The following PPFIA2 variants were observed in gnomAD, a reference collection of about 807,000 sequenced individuals.
The protein encoded by PPFIA2 is PPFI scaffold protein A2, also known as liprin-alpha-2.
Under a neutral mutation model 175.5 loss-of-function variants are expected in PPFIA2, and 46 were observed. The observed-to-expected ratio is 0.26, with a 90% CI of 0.21 to 0.34. The LOEUF (loss-of-function observed/expected upper bound fraction) is 0.34, where lower values mean the gene tolerates loss of function less well. Among genes scored for constraint, PPFIA2 ranks in the 10% least tolerant of loss-of-function variants. The pLI, the probability that PPFIA2 is intolerant of heterozygous loss-of-function variation, is 1.00. For missense variants in PPFIA2, 1,179 were observed against 1,506.1 expected, an observed-to-expected ratio of 0.78 and a Z score of 3.60; for synonymous variants, 568 against 511.4, an observed-to-expected ratio of 1.11 and a Z score of -1.49.
At chr12:81,659,947 G>A (rs2068511739) in intron 4 of PPFIA2, among the ~76,000 whole-genome samples, 1 of 152,138 alleles carries the variant, frequency 6.6e-6, no homozygotes, top group South Asian at 2.1e-4. Flanking sequence ...AGGGTTGGAG[G>A]GAACTCTGGC....
intron 4 of PPFIA2, among the ~76,000 whole-genome samples, chr12:81,552,881 T>A (rs2068170793): frequency 6.6e-6 from 1 of 152,082 alleles, no homozygotes; most frequent in Non-Finnish European, 1.5e-5. Flanking sequence ...ACTCAGTCCA[T>A]CGACAACGAA....
At chr12:81,439,744 CAT>C (rs2049814171) in intron 7 of PPFIA2, 1 of 482,474 alleles carries the variant, frequency 2.1e-6, no homozygotes, top group African/African-American at 2.1e-5. Context: ...CCCTAGCTCA[CAT>C]GTCACTAGCT....
chr12:81,323,817 C>T (rs1179978318), intron 22 of PPFIA2, among the ~76,000 whole-genome samples: 1 of 152,002 alleles, frequency 6.6e-6, no homozygotes, highest in Non-Finnish European at 1.5e-5. Flanking sequence ...TAGGTGTTAA[C>T]AATTATTCAT....
chr12:81,591,819 G>A (rs1291949821), intron 4 of PPFIA2, among the ~76,000 whole-genome samples: 1 of 152,132 alleles, frequency 6.6e-6, no homozygotes, highest in Non-Finnish European at 1.5e-5. Flanking sequence ...CAGGGGTGGG[G>A]TCCTCATGGA....
chr12:81,582,882 A>C, intron 4 of PPFIA2, among the ~76,000 whole-genome samples: 1 of 151,902 alleles, frequency 6.6e-6, no homozygotes, highest in East Asian at 1.9e-4. Flanking sequence ...GTACTATAAT[A>C]ACATTAAGCA....
intron 4 of PPFIA2, among the ~76,000 whole-genome samples, chr12:81,647,519 T>A (rs1016639386): frequency 6.6e-6 from 1 of 151,900 alleles, no homozygotes; most frequent in Admixed American, 6.6e-5. Flanking sequence ...CCCAGCACTT[T>A]GGGAGGTCGA....
At chr12:81,306,554 T>C (rs1455362909) in intron 22 of PPFIA2, among the ~76,000 whole-genome samples, 1 of 149,908 alleles carries the variant, frequency 6.7e-6, no homozygotes, top group East Asian at 1.9e-4. Context: ...TTTTTTTTTT[T>C]TTTTTTGGCA....
At chr12:81,344,899 A>T (rs576636476) in intron 18 of PPFIA2, 1 of 464,936 alleles carries the variant, frequency 2.2e-6, no homozygotes, top group African/African-American at 2.0e-5. Context: ...AGGTAACATA[A>T]GTCAGATGAT....
At chr12:81,426,530 A>C (rs2047163220) in intron 7 of PPFIA2, among the ~76,000 whole-genome samples, 1 of 152,182 alleles carries the variant, frequency 6.6e-6, no homozygotes, top group Admixed American at 6.5e-5. Flanking sequence ...AAACTCAGGT[A>C]ATAGTATATG....
intron 5 of PPFIA2, among the ~76,000 whole-genome samples, chr12:81,448,219 C>A (rs565581701): frequency 6.6e-6 from 1 of 152,150 alleles, no homozygotes; most frequent in Non-Finnish European, 1.5e-5. Flanking sequence ...GCAAGTGGAA[C>A]TTTTTAACTG....
intron 22 of PPFIA2, among the ~76,000 whole-genome samples, chr12:81,307,490 TCA>T (rs2049571219): frequency 6.6e-6 from 1 of 152,186 alleles, no homozygotes; most frequent in African/African-American, 2.4e-5. Flanking sequence ...GAATTCTGCA[TCA>T]CAGTTACCCA....
intron 6 of PPFIA2, 72 bp downstream of exon 6, chr12:81,445,484 T>A (rs1027551169): frequency 2.1e-6 from 3 of 1,440,832 alleles, no homozygotes; most frequent in African/African-American, 2.9e-5. Context: ...GGTGAGTCAA[T>A]GGATGAAGAC....
chr12:81,266,393 CTT>C (rs2037272693), intron 30 of PPFIA2, among the ~76,000 whole-genome samples: 1 of 152,148 alleles, frequency 6.6e-6, no homozygotes, highest in Admixed American at 6.5e-5. Flanking sequence ...TTCCAAATAA[CTT>C]AATATGCACA....
At chr12:81,537,360 A>G (rs757442583) in intron 4 of PPFIA2, among the ~76,000 whole-genome samples, 3 of 152,020 alleles carry the variant, frequency 2.0e-5, no homozygotes, top group East Asian at 3.9e-4. Context: ...AAAAAGAGAC[A>G]TAAATAAAAG....
chr12:81,701,278 A>G (rs1236401004), intron 3 of PPFIA2, among the ~76,000 whole-genome samples: 1 of 152,144 alleles, frequency 6.6e-6, no homozygotes, highest in Non-Finnish European at 1.5e-5. Flanking sequence ...AGCTGCTGTA[A>G]CTGCTGCTAT....
At chr12:81,696,081 A>ACACT (rs1439021175) in intron 3 of PPFIA2, among the ~76,000 whole-genome samples, 1 of 152,162 alleles carries the variant, frequency 6.6e-6, no homozygotes, top group African/African-American at 2.4e-5. Flanking sequence ...ATTGGCTCTG[A>ACACT]CACTGTACAG....
intron 4 of PPFIA2, among the ~76,000 whole-genome samples, chr12:81,539,609 C>A (rs965903148): frequency 1.3e-5 from 2 of 151,856 alleles, no homozygotes; most frequent in Non-Finnish European, 2.9e-5. Flanking sequence ...CCAGGTGATT[C>A]TTATGCATGC....
chr12:81,733,612 G>C (rs965287503), intron 3 of PPFIA2, among the ~76,000 whole-genome samples: 9 of 151,648 alleles, frequency 5.9e-5, no homozygotes, highest in Admixed American at 2.0e-4. Flanking sequence ...TAAAGAGATT[G>C]CTTTTACAAC....
At chr12:81,592,922 A>AT (rs1002904990) in intron 4 of PPFIA2, among the ~76,000 whole-genome samples, 9 of 151,684 alleles carry the variant, frequency 5.9e-5, no homozygotes, top group Non-Finnish European at 5.9e-5. Flanking sequence ...TGCCCAGCTA[A>AT]TTTTTTTGTA....
Sources: allele counts gnomAD v4.1 joint callset (sites outside exome capture counted in the v4.1 genomes callset), GRCh38; gene constraint gnomAD v4.1.1; transcripts MANE v1.5; gene names NCBI Gene and HGNC (gene_info 2026-07-23, HGNC 2026-07-21).